Variants in ZNF519 observed in about 807,000 individuals in gnomAD.
ZNF519 encodes similar to Zinc finger protein 85 (Zinc finger protein HPF4) (HTF1).
A neutral mutation model predicts 7.4 loss-of-function variants in ZNF519; 7 were observed. The observed-to-expected ratio is 0.94, with a 90% CI of 0.54 to 1.77. The LOEUF is 1.77. Ranked by LOEUF, ZNF519 falls within the 40% of genes most tolerant of loss-of-function variation. ZNF519 has a pLI of 0.00. For synonymous variants in ZNF519, 179 were observed against 203.3 expected (o/e 0.88, Z 1.02); for missense variants, 586 against 623.1 (o/e 0.94, Z 0.63).
intron 1 of ZNF519, among the ~76,000 whole-genome samples, chr18:14,126,297 A>G (rs984180828): frequency 1.3e-5 from 2 of 152,176 alleles, no homozygotes; most frequent in Non-Finnish European, 2.9e-5. Flanking sequence ...ATTTTAACCT[A>G]TTTTAGCCAC....
rs2046284760 is a variant in ZNF519, at chr18:14,124,222, C to T, written c.130+128G>A. Reference sequence around the variant, plus strand: ...TTTCTTTTTTACACTAGCAAACTCCCATTTTTTCTTGAAGAAAAGAACTGA... The same window carrying T: ...TTTCTTTTTTACACTAGCAAACTCCTATTTTTTCTTGAAGAAAAGAACTGA... On this transcript the variant is annotated intron_variant, in intron 2 of 2. Transcript: ENST00000590202. 6.8e-6 allele frequency: 6 copies of T among 878,796 alleles called. No homozygotes were observed. In the South Asian group the frequency reaches 1.8e-4, roughly 26 times the overall value. 54.4% of individuals were successfully genotyped at this position (878,796 alleles called of 1,614,324 possible).
chr18:14,107,375 G>A (rs1485187762), intron 2 of ZNF519, among the ~76,000 whole-genome samples: 1 of 152,132 alleles, frequency 6.6e-6, no homozygotes, highest in Non-Finnish European at 1.5e-5. Flanking sequence ...TTTTGGCACT[G>A]ACAAGACCCA....
At chr18:14,084,970 T>TC (rs1397538349) in exon 3 of ZNF519, 1 of 152,172 alleles carries the variant, frequency 6.6e-6, no homozygotes, top group African/African-American at 2.4e-5. Context: ...CACAGTATCA[T>TC]CCTTGAGGGA....
chr18:14,074,784 A>G (rs1322014785), downstream of ZNF519: 2 of 152,210 alleles, frequency 1.3e-5, no homozygotes, highest in African/African-American at 2.4e-5. Flanking sequence ...TCTTCTTTTG[A>G]GCCATCTCAA....
At chr18:14,079,192 T>C (rs1227942457) in intron 3 of ZNF519, among the ~76,000 whole-genome samples, 1 of 152,204 alleles carries the variant, frequency 6.6e-6, no homozygotes, top group East Asian at 1.9e-4. Flanking sequence ...ATGGCATTCA[T>C]CATTGTCCAC....
downstream of ZNF519, among the ~76,000 whole-genome samples, chr18:14,097,679 C>A (rs2143109156): frequency 6.6e-6 from 1 of 152,274 alleles, no homozygotes. Context: ...GGGGACATGA[C>A]CACATGAAGG....
At chr18:14,109,944 C>T (rs1015430906) in intron 2 of ZNF519, among the ~76,000 whole-genome samples, 2 of 152,080 alleles carry the variant, frequency 1.3e-5, no homozygotes, top group Non-Finnish European at 2.9e-5. Flanking sequence ...AATTATACTA[C>T]AAAGCTATAG....
chr18:14,131,573 TG>T (rs1432825390), intron 1 of ZNF519, among the ~76,000 whole-genome samples: 4 of 152,248 alleles, frequency 2.6e-5, no homozygotes, highest in African/African-American at 9.7e-5. Context: ...TCATTTAGAC[TG>T]AAGTGGCTCT....
At chr18:14,090,812 C>T (rs1055921218) in intron 2 of ZNF519, 11 of 152,232 alleles carry the variant, frequency 7.2e-5, no homozygotes, top group African/African-American at 2.7e-4. Context: ...AAGTTTGATT[C>T]GCTCTCATTG....
In ZNF519 at chr18:14,104,877, A is replaced by G; in HGVS notation, c.*40T>C. 1 of 1,480,240 alleles carries G rather than the reference A, an allele frequency of 6.8e-7. No homozygotes were observed. The highest frequency in any genetic ancestry group is 9.0e-7 in the Non-Finnish European group (1 of 1,114,104). 91.7% of individuals were successfully genotyped at this position (1,480,240 alleles called of 1,614,324 possible). On this transcript the variant is annotated 3_prime_UTR_variant, in exon 3 of 3. Coordinates refer to ENST00000590202, the MANE Select transcript of ZNF519 (RefSeq NM_145287.4). ...TAATGTTGAGTAAGGTGTGAGCACCAGTTTAGGGTTTTAGCACATTCTTTA... is the reference window on the plus strand; with the variant it reads ...TAATGTTGAGTAAGGTGTGAGCACCGGTTTAGGGTTTTAGCACATTCTTTA...
chr18:14,103,616 C>G lies in ZNF519; in HGVS notation c.*1301G>C, dbSNP rs967642266. ...ATAACCTAATGTTTGGTAAAAATAGCTAAGGGCTAATTAACTACTCAACAC... is the reference window on the plus strand; with the variant it reads ...ATAACCTAATGTTTGGTAAAAATAGGTAAGGGCTAATTAACTACTCAACAC... On this transcript the variant is annotated 3_prime_UTR_variant, in exon 3 of 3. Coordinates refer to ENST00000590202, the MANE Select transcript of ZNF519 (RefSeq NM_145287.4). 6 of 152,098 alleles carry G rather than the reference C, an allele frequency of 3.9e-5. No homozygotes were observed. Among genetic ancestry groups the G allele is most frequent in the African/African-American group, 1.4e-4 (6 of 41,502 alleles). The allele number at this position is 152,098 out of a possible 1,614,324, so 9.4% of individuals were successfully genotyped here.
intron 2 of ZNF519, chr18:14,121,654 A>C (rs2046270323): frequency 1.3e-5 from 2 of 152,098 alleles, no homozygotes; most frequent in South Asian, 4.2e-4. Context: ...CATTTTCTTA[A>C]ACAATATGTT....
intron 2 of ZNF519, among the ~76,000 whole-genome samples, chr18:14,089,383 G>A (rs1340636371): frequency 6.6e-6 from 1 of 152,152 alleles, no homozygotes; most frequent in Non-Finnish European, 1.5e-5. Context: ...TGATCTGGAT[G>A]TTTAGTCTGA....
chr18:14,083,132 A>G lies in ZNF519; in HGVS notation c.*177+1745T>C, dbSNP rs1598507418. Among the ~76,000 whole-genome samples the G allele has an allele frequency of 3.3e-5, 5 of 152,254 alleles. 1 individual carries two copies. The South Asian group carries it at 1.0e-3, about 32-fold the overall frequency. On this transcript the variant is annotated intron_variant and NMD_transcript_variant, in intron 3 of 4. Transcript: ENST00000587419. ...TGAGAGGCTGAGGCAGGTGGATCAC[A>G]TGAGGCCAGGAGTTTAAGACCAGCC...
At chr18:14,079,572 T>C (rs1372002302) in intron 3 of ZNF519, among the ~76,000 whole-genome samples, 1 of 152,132 alleles carries the variant, frequency 6.6e-6, no homozygotes, top group Non-Finnish European at 1.5e-5. Flanking sequence ...GACAAATCAA[T>C]GGGAAGAACA....
chr18:14,106,167 G>A lies in ZNF519; in HGVS notation c.373C>T (p.Gln125Ter). 1 of 1,611,962 alleles carries A rather than the reference G, an allele frequency of 6.2e-7. No individual in the cohort carries two copies. The change falls in exon 3 of 3, where the codon CAG becomes TAG. Residue 125 changes from glutamine to a stop codon, truncating the protein, a stop_gained. Coordinates refer to ENST00000590202, the MANE Select transcript of ZNF519 (RefSeq NM_145287.4). LOFTEE classifies it low-confidence loss of function (END_TRUNC). ...VKGDKEYRIF[Q>*]KKPQFLSAAP... Reference sequence around the variant, plus strand: ...GCTGACAGAAACTGAGGCTTCTTCTGAAATATTCTATATTCTTTGTCTCCT... The same window carrying A: ...GCTGACAGAAACTGAGGCTTCTTCTAAAATATTCTATATTCTTTGTCTCCT...
chr18:14,115,484 T>G (rs1207149811), intron 2 of ZNF519, among the ~76,000 whole-genome samples: 1 of 152,212 alleles, frequency 6.6e-6, no homozygotes, highest in Non-Finnish European at 1.5e-5. Flanking sequence ...TACACCCTGA[T>G]TTTAAAAACC....
intron 1 of ZNF519, among the ~76,000 whole-genome samples, chr18:14,130,683 T>G (rs1377651935): frequency 6.6e-6 from 1 of 151,976 alleles, no homozygotes; most frequent in Non-Finnish European, 1.5e-5. Flanking sequence ...GTTCTTGCAC[T>G]GCCTCCCTGG....
At chr18:14,116,471 T>C (rs1032391619) in intron 2 of ZNF519, among the ~76,000 whole-genome samples, 1 of 152,098 alleles carries the variant, frequency 6.6e-6, no homozygotes, top group African/African-American at 2.4e-5. Context: ...GGAAGACAGA[T>C]GATGGAACAG....
Sources: allele counts gnomAD v4.1 joint callset (sites outside exome capture counted in the v4.1 genomes callset), GRCh38; gene constraint gnomAD v4.1.1; transcripts MANE v1.5; gene names NCBI Gene and HGNC (gene_info 2026-07-23, HGNC 2026-07-21).